CACNA2D3: variants seen among roughly 807,000 people sequenced by gnomAD.
CACNA2D3 encodes the protein voltage-dependent calcium channel subunit alpha-2/delta-3.
CACNA2D3 carries 60 observed loss-of-function variants against 160.6 expected under a neutral mutation model. The ratio of observed to expected loss-of-function variants is 0.37; its 90% CI spans 0.30 to 0.46. The LOEUF is 0.46. Among genes scored for constraint, CACNA2D3 ranks in the 20% least tolerant of loss-of-function variants. CACNA2D3 has a pLI of 1.00. For synonymous variants in CACNA2D3, 558 were observed against 492.9 expected, an observed-to-expected ratio of 1.13 and a Z score of -1.75; for missense variants, 1,205 against 1,365.0, an observed-to-expected ratio of 0.88 and a Z score of 1.85.
At chr3:54,350,985 T>TTTTTA (rs1559457824) in intron 3 of CACNA2D3, among the ~76,000 whole-genome samples, 1 of 41,852 alleles carries the variant, frequency 2.4e-5, no homozygotes, top group African/African-American at 9.6e-5. Context: ...TTTTTTTGTT[T>TTTTTA]GTTTTTTTTT....
At chr3:55,057,220 T>G (rs1204674067) in intron 35 of CACNA2D3, among the ~76,000 whole-genome samples, 1 of 152,148 alleles carries the variant, frequency 6.6e-6, no homozygotes, top group Non-Finnish European at 1.5e-5. Flanking sequence ...GAACCGTGAG[T>G]CAATTAAACC....
intron 27 of CACNA2D3, among the ~76,000 whole-genome samples, chr3:54,928,730 G>A (rs1347770312): frequency 6.7e-6 from 1 of 148,630 alleles, no homozygotes; most frequent in Non-Finnish European, 1.5e-5. Context: ...CCCCCGAGTT[G>A]AATTGACCTT....
intron 17 of CACNA2D3, among the ~76,000 whole-genome samples, chr3:54,866,768 A>G (rs1237887331): frequency 6.6e-6 from 1 of 152,200 alleles, no homozygotes; most frequent in African/African-American, 2.4e-5. Context: ...TATCCAGACC[A>G]TTAAATATGG....
At chr3:55,054,356 A>G (rs534565120) in intron 35 of CACNA2D3, among the ~76,000 whole-genome samples, 1 of 151,674 alleles carries the variant, frequency 6.6e-6, no homozygotes, top group Non-Finnish European at 1.5e-5. Flanking sequence ...TTTGTTCTCT[A>G]ATTTGAATAA....
chr3:54,292,666 A>T (rs1479362148), intron 2 of CACNA2D3, among the ~76,000 whole-genome samples: 2 of 152,228 alleles, frequency 1.3e-5, no homozygotes, highest in African/African-American at 4.8e-5. Context: ...ATAACCAAAA[A>T]GTCAGATACT....
rs115049924 is a variant in CACNA2D3 at position 54,258,611 on chromosome 3, C to T, written c.205-61831C>T. 4.5e-3 allele frequency among the ~76,000 whole-genome samples: 682 copies of T among 152,236 alleles called. 2 individuals carry two copies. Among genetic ancestry groups the T allele is most frequent in the Non-Finnish European group, 7.9e-3 (534 of 68,024 alleles). On this transcript the variant is annotated intron_variant, in intron 2 of 37. Coordinates refer to ENST00000474759, the MANE Select transcript of CACNA2D3 (RefSeq NM_018398.3). Reference sequence around the variant, plus strand: ...GTTTGTCTTTGAGATGTTCTAGCAGCAGAGCTTTCCTTTACACTTTGGAAG... The same window carrying T: ...GTTTGTCTTTGAGATGTTCTAGCAGTAGAGCTTTCCTTTACACTTTGGAAG...
At chr3:54,803,431 G>A (rs1289115977) in intron 13 of CACNA2D3, among the ~76,000 whole-genome samples, 17 of 152,186 alleles carry the variant, frequency 1.1e-4, no homozygotes, top group Non-Finnish European at 1.6e-4. Context: ...CTCAGGAGCC[G>A]ATGTGATCAA....
At chr3:54,719,758 A>C (rs1371329688) in intron 11 of CACNA2D3, among the ~76,000 whole-genome samples, 1 of 152,078 alleles carries the variant, frequency 6.6e-6, no homozygotes, top group Non-Finnish European at 1.5e-5. Context: ...TCAATGGTGA[A>C]GCCACAAGGG....
At chr3:54,992,254 C>G (rs1002673843) in intron 31 of CACNA2D3, among the ~76,000 whole-genome samples, 1 of 152,190 alleles carries the variant, frequency 6.6e-6, no homozygotes, top group African/African-American at 2.4e-5. Context: ...CTACTACGCT[C>G]TTAGGAGTCA....
At chr3:54,146,484 C>T (rs1363991466) in intron 2 of CACNA2D3, among the ~76,000 whole-genome samples, 3 of 152,228 alleles carry the variant, frequency 2.0e-5, no homozygotes, top group Non-Finnish European at 2.9e-5. Flanking sequence ...CCAGCTCTGC[C>T]CACACAAGTT....
chr3:54,713,620 G>A (rs532176994), intron 11 of CACNA2D3, among the ~76,000 whole-genome samples: 5 of 152,240 alleles, frequency 3.3e-5, no homozygotes, highest in Admixed American at 6.5e-5. Flanking sequence ...AGTTTCTACC[G>A]CAGGATGAGA....
intron 4 of CACNA2D3, among the ~76,000 whole-genome samples, chr3:54,458,752 T>C (rs1700444300): frequency 6.7e-6 from 1 of 149,778 alleles, no homozygotes; most frequent in South Asian, 2.1e-4. Context: ...TTTCCTTAAA[T>C]ACATTTTCTT....
intron 8 of CACNA2D3, among the ~76,000 whole-genome samples, chr3:54,570,754 G>A (rs996165955): frequency 1.3e-5 from 2 of 152,058 alleles, no homozygotes; most frequent in Non-Finnish European, 2.9e-5. Flanking sequence ...ACTTGTCCAG[G>A]TCACAAGGCT....
At chr3:54,814,684 G>A (rs1295205600) in intron 13 of CACNA2D3, among the ~76,000 whole-genome samples, 2 of 152,218 alleles carry the variant, frequency 1.3e-5, no homozygotes, top group Non-Finnish European at 2.9e-5. Context: ...TTGTGGGGAG[G>A]ATGAGGGCAG....
At chr3:54,354,269 A>G (rs1170090725) in intron 3 of CACNA2D3, among the ~76,000 whole-genome samples, 2 of 152,120 alleles carry the variant, frequency 1.3e-5, no homozygotes, top group Non-Finnish European at 2.9e-5. Flanking sequence ...AATTAAGGAG[A>G]CACGATCCAG....
At chr3:54,752,729 G>T in intron 12 of CACNA2D3, 52 bp downstream of exon 12, 4 of 1,268,282 alleles carry the variant, frequency 3.2e-6, no homozygotes, top group Non-Finnish European at 4.5e-6. Context: ...TACTTGTGCA[G>T]AATTAGGAAT....
rs199964045 is a variant in CACNA2D3 at position 54,441,406 on chromosome 3, A to G, written c.381+54632A>G. Among the ~76,000 whole-genome samples, 4 of 152,212 alleles carry G rather than the reference A, an allele frequency of 2.6e-5. 1 individual carries two copies. The South Asian group carries it at 6.2e-4, about 24-fold the overall frequency. ...TATTAGCCCTTTGTCAGATGAGTAGATTGCAAAAATTTTCTCCCATTCCGT... is the reference window on the plus strand; with the variant it reads ...TATTAGCCCTTTGTCAGATGAGTAGGTTGCAAAAATTTTCTCCCATTCCGT... On this transcript the variant is annotated intron_variant, in intron 4 of 37. Coordinates refer to ENST00000474759, the MANE Select transcript of CACNA2D3 (RefSeq NM_018398.3).
At chr3:54,293,882 C>G (rs1014903867) in intron 2 of CACNA2D3, among the ~76,000 whole-genome samples, 1 of 152,070 alleles carries the variant, frequency 6.6e-6, no homozygotes, top group African/African-American at 2.4e-5. Context: ...GGTGGTTACA[C>G]AACTCTGCAT....
rs527954937 is a variant in CACNA2D3, at chr3:55,045,038, C to A, written c.2987+26721C>A. Among the ~76,000 whole-genome samples the A allele has an allele frequency of 1.2e-4, 19 of 152,044 alleles. 1 individual carries two copies. The South Asian group carries it at 3.1e-3, about 25-fold the overall frequency. On this transcript the variant is annotated intron_variant, in intron 35 of 37. Transcript: ENST00000474759. ...CTTTTTTACTCTATGTTAATAAGGTCTGTTGATATATAGTGGTTTTTGTTT... is the reference window on the plus strand; with the variant it reads ...CTTTTTTACTCTATGTTAATAAGGTATGTTGATATATAGTGGTTTTTGTTT...
Sources: allele counts gnomAD v4.1 joint callset (sites outside exome capture counted in the v4.1 genomes callset), GRCh38; gene constraint gnomAD v4.1.1; transcripts MANE v1.5; gene names NCBI Gene and HGNC (gene_info 2026-07-23, HGNC 2026-07-21).